The following MEGF11 variants were observed in gnomAD, a reference collection of about 807,000 sequenced individuals.
MEGF11 encodes multiple epidermal growth factor-like domains protein 11.
MEGF11 carries 126 observed loss-of-function variants against 146.6 expected under a neutral mutation model. The ratio of observed to expected loss-of-function variants is 0.86; its 90% CI spans 0.74 to 1.00. MEGF11 has a LOEUF of 1.00. Among genes scored for constraint, MEGF11 ranks in the 50% least tolerant of loss-of-function variants. The pLI, the probability that MEGF11 is intolerant of heterozygous loss-of-function variation, is 0.00. For missense variants in MEGF11, 1,509 were observed against 1,521.2 expected (o/e 0.99, Z 0.13); for synonymous variants, 532 against 583.4 (o/e 0.91, Z 1.27).
chr15:66,000,728 T>C (rs868754076), intron 5 of MEGF11, among the ~76,000 whole-genome samples: 9 of 152,330 alleles, frequency 5.9e-5, no homozygotes, highest in South Asian at 2.1e-4. Context: ...CAAAATGACA[T>C]GGTCCTCAGG....
At chr15:65,912,760 A>G (rs1488234770) in intron 20 of MEGF11, among the ~76,000 whole-genome samples, 1 of 152,226 alleles carries the variant, frequency 6.6e-6, no homozygotes, top group Non-Finnish European at 1.5e-5. Context: ...CATGTAGACC[A>G]GGAGCTCCTT....
Position 65,982,137 on chromosome 15 carries a change from A to G in MEGF11, c.641+105T>C, listed in dbSNP as rs1163844645. 83 of 1,288,848 alleles carry G rather than the reference A, an allele frequency of 6.4e-5. No individual in the cohort carries two copies. Among genetic ancestry groups the G allele is most frequent in the Non-Finnish European group, 8.2e-5 (82 of 998,432 alleles). 79.8% of individuals were successfully genotyped at this position (1,288,848 alleles called of 1,614,324 possible). On this transcript the variant is annotated intron_variant, in intron 6 of 25. Coordinates refer to ENST00000395614, the MANE Select transcript of MEGF11 (RefSeq NM_001385028.1). The surrounding 1 kb of genome is among the most constrained non-coding windows in gnomAD (Gnocchi z 5.6). The stretch of plus-strand genomic sequence containing the variant: ...CAGCTGCGGTGAGGGCAGCCACTCC[A>G]GGCCCCGCCCCAGCCCCTCCACCTC...
chr15:66,175,410 A>C, intron 1 of MEGF11, among the ~76,000 whole-genome samples: 1 of 152,160 alleles, frequency 6.6e-6, no homozygotes, highest in East Asian at 1.9e-4. Flanking sequence ...ACACTACCTG[A>C]CTTCAAAATG....
intron 6 of MEGF11, among the ~76,000 whole-genome samples, chr15:65,981,658 G>A (rs760030192): frequency 3.9e-5 from 6 of 152,176 alleles, no homozygotes; most frequent in Non-Finnish European, 7.4e-5. Flanking sequence ...GGGGGTCTCA[G>A]CTAAGCAGTC....
intron 9 of MEGF11, among the ~76,000 whole-genome samples, chr15:65,964,290 G>C (rs1471442569): frequency 6.6e-6 from 1 of 152,224 alleles, no homozygotes; most frequent in Non-Finnish European, 1.5e-5. Context: ...AAACGACACA[G>C]AGTGCTGGGG....
At chr15:66,151,128 A>G (rs549201911) in intron 1 of MEGF11, among the ~76,000 whole-genome samples, 3 of 152,112 alleles carry the variant, frequency 2.0e-5, no homozygotes, top group Non-Finnish European at 2.9e-5. Context: ...TGAGTAGGAG[A>G]GGAGTGTCCT....
intron 5 of MEGF11, among the ~76,000 whole-genome samples, chr15:66,055,630 T>C (rs541908053): frequency 6.6e-6 from 1 of 152,012 alleles, no homozygotes; most frequent in South Asian, 2.1e-4. Flanking sequence ...TTTGGTAACA[T>C]TCGGGACTCA....
rs28680181 is a variant in MEGF11 at position 65,982,192 on chromosome 15, G to A, written c.641+50C>T. The A allele has an allele frequency of 2.5e-3, 3,134 of 1,254,924 alleles. 46 individuals carry two copies. The African/African-American group carries it at 0.041, about 16-fold the overall frequency. The allele number at this position is 1,254,924 out of a possible 1,614,324, so 77.7% of individuals were successfully genotyped here. ...ACCCTCCCCACCCAGGCACCCTCCA[G>A]GTCCCGCCCCTCCAGGTCCCGCCCC... On this transcript the variant is annotated intron_variant, in intron 6 of 25. Coordinates refer to ENST00000395614, the MANE Select transcript of MEGF11 (RefSeq NM_001385028.1). This position sits in a 1 kb window ranked among gnomAD's most constrained non-coding sequence, Gnocchi z 5.6.
rs1223617913 is a variant in MEGF11, at chr15:65,913,760, G to A, written c.2687C>T (p.Thr896Ile). 1.9e-6 allele frequency: 3 copies of A among 1,613,148 alleles called. No individual in the cohort carries two copies. Among genetic ancestry groups the A allele is most frequent in the African/African-American group, 2.7e-5 (2 of 74,898 alleles). The change falls in exon 20 of 26, where the codon ACC (threonine) becomes ATC (isoleucine). Residue 896 changes from threonine to isoleucine, a missense_variant. Thr to Ile is a moderately conservative substitution (Grantham distance 89, BLOSUM62 -1). Transcript: ENST00000395614. ...RVSYTPAMRM[T>I]STDYSLSDLS... ...ACCTGAGAGGGAGTAGTCGGTGCTG[G>A]TCATCCTCATGGCAGGTGTGTAGGA...
intron 7 of MEGF11, among the ~76,000 whole-genome samples, chr15:65,976,040 CTTTTTT>C (rs57047424): frequency 2.9e-5 from 3 of 102,080 alleles, no homozygotes; most frequent in Non-Finnish European, 6.2e-5. Context: ...TTCAACATTC[CTTTTTT>C]TTTTTTTTTT....
chr15:66,014,484 T>G (rs2082816249), intron 5 of MEGF11, among the ~76,000 whole-genome samples: 1 of 152,202 alleles, frequency 6.6e-6, no homozygotes, highest in Non-Finnish European at 1.5e-5. Context: ...TTCCAGGCAC[T>G]GGGTTTGCTC....
chr15:66,129,170 G>A (rs2088533436), intron 1 of MEGF11, among the ~76,000 whole-genome samples: 1 of 152,134 alleles, frequency 6.6e-6, no homozygotes, highest in Non-Finnish European at 1.5e-5. Flanking sequence ...CACTAAATTG[G>A]GGTCCCCAAC....
intron 1 of MEGF11, among the ~76,000 whole-genome samples, chr15:66,195,724 C>T (rs949294481): frequency 2.0e-5 from 3 of 152,194 alleles, no homozygotes; most frequent in Non-Finnish European, 4.4e-5. Flanking sequence ...CTGGTGTTAA[C>T]CCCTGAACTT....
chr15:66,105,750 TAGCTG>T (rs1414745515), intron 4 of MEGF11, among the ~76,000 whole-genome samples: 1 of 152,184 alleles, frequency 6.6e-6, no homozygotes, highest in Non-Finnish European at 1.5e-5. Flanking sequence ...GCCAAAAGTT[TAGCTG>T]AGCAAACAGA....
In MEGF11 at chr15:65,980,848, C is replaced by T. The variant is rs1462212847; in HGVS notation, c.692G>A (p.Arg231His). The change falls in exon 7 of 26, where the codon CGC (arginine) becomes CAC (histidine). Residue 231 changes from arginine to histidine, a missense_variant. Arg to His is a conservative substitution (Grantham distance 29). Transcript: ENST00000395614. ...PGSHGAHCELRCPCQNGGTCH... is the reference protein window; with the variant it reads ...PGSHGAHCELHCPCQNGGTCH... Reference sequence around the variant, plus strand: ...GGTGCCCCCATTCTGACAGGGGCAGCGCAGCTCACAGTGAGCTCCATGGCT... The same window carrying T: ...GGTGCCCCCATTCTGACAGGGGCAGTGCAGCTCACAGTGAGCTCCATGGCT... The T allele has an allele frequency of 3.1e-6, 5 of 1,597,566 alleles. No individual in the cohort carries two copies. The highest frequency in any genetic ancestry group is 4.3e-6 in the Non-Finnish European group (5 of 1,172,786).
chr15:66,162,348 T>C (rs1542528), intron 1 of MEGF11, among the ~76,000 whole-genome samples: 61,522 of 152,116 alleles, frequency 0.4, 13,547 homozygotes, highest in African/African-American at 0.6. Context: ...GTGATGTATA[T>C]TTTACCACAA....
chr15:66,105,588 C>A (rs1230047588), intron 4 of MEGF11, among the ~76,000 whole-genome samples: 2 of 152,162 alleles, frequency 1.3e-5, no homozygotes, highest in Non-Finnish European at 2.9e-5. Context: ...TGACTTTATT[C>A]TCAAAGCCCT....
chr15:66,125,860 C>A (rs2088309624), intron 2 of MEGF11, among the ~76,000 whole-genome samples: 1 of 152,120 alleles, frequency 6.6e-6, no homozygotes. Flanking sequence ...CTAACATAGA[C>A]CTTGGATGCC....
At chr15:66,104,576 G>A (rs1318005941) in intron 4 of MEGF11, among the ~76,000 whole-genome samples, 1 of 152,160 alleles carries the variant, frequency 6.6e-6, no homozygotes, top group African/African-American at 2.4e-5. Flanking sequence ...TTGGTCTTGG[G>A]TCTCATTAAC....
Sources: gnomAD v4.1 joint callset for allele counts (sites outside exome capture counted in the v4.1 genomes callset) on GRCh38, gnomAD v4.1.1 for gene constraint, Gnocchi (gnomAD v3.1) non-coding constraint, MANE v1.5 for transcripts, NCBI Gene and HGNC (gene_info 2026-07-23, HGNC 2026-07-21) for gene names.